Variants in GALNT9 observed in about 807,000 individuals in gnomAD.
GALNT9 encodes the protein polypeptide N-acetylgalactosaminyltransferase 9, also known as GalNAc transferase 9.
GALNT9 carries 47 observed loss-of-function variants against 63.1 expected under a neutral mutation model. The ratio of observed to expected loss-of-function variants is 0.75; its 90% CI spans 0.59 to 0.95. The LOEUF (loss-of-function observed/expected upper bound fraction) is 0.95, where lower values mean the gene tolerates loss of function less well. Among genes scored for constraint, GALNT9 ranks in the 40% least tolerant of loss-of-function variants. The probability of loss-of-function intolerance (pLI) is 0.00; values close to 1 mark genes in which losing one functional copy is unlikely to be tolerated. For missense variants in GALNT9, 829 were observed against 874.8 expected (o/e 0.95, Z 0.66); for synonymous variants, 396 against 365.7 (o/e 1.08, Z -0.94).
chr12:132,245,604 T>G lies in GALNT9; in HGVS notation c.1077+2306A>C, dbSNP rs1878679022. The stretch of plus-strand genomic sequence containing the variant: ...CGGCACCCACACCCCCAGCCCAGCC[T>G]GCTGACCCTCGCCCAGCCAGGGCCC... On this transcript the variant is annotated intron_variant, in intron 6 of 10. Transcript: ENST00000328957. This position sits in a 1 kb window ranked among gnomAD's most constrained non-coding sequence, Gnocchi z 6.3. 6.7e-6 allele frequency among the ~76,000 whole-genome samples: 1 copy of G among 150,264 alleles called. No homozygotes were observed. Among genetic ancestry groups the G allele is most frequent in the Non-Finnish European group, 1.5e-5 (1 of 67,608 alleles).
intron 6 of GALNT9, among the ~76,000 whole-genome samples, chr12:132,217,148 C>T (rs1241107932): frequency 6.6e-6 from 1 of 152,112 alleles, no homozygotes; most frequent in African/African-American, 2.4e-5. Flanking sequence ...CTCACTTATT[C>T]ACCCACCTAG....
intron 2 of GALNT9, among the ~76,000 whole-genome samples, chr12:132,281,625 C>G (rs915088197): frequency 6.6e-6 from 1 of 152,210 alleles, no homozygotes; most frequent in Non-Finnish European, 1.5e-5. Flanking sequence ...ATCCCGATGT[C>G]GTTCTCTGTG....
chr12:132,201,101 G>A (rs767497820), intron 8 of GALNT9, 23 bp downstream of exon 8: 14 of 1,608,754 alleles, frequency 8.7e-6, no homozygotes, highest in South Asian at 2.2e-5. Flanking sequence ...CGGGCCGAAC[G>A]GGGCCCTCGG....
chr12:132,199,281 A>T lies in GALNT9; in HGVS notation c.1402-12T>A. The T allele has an allele frequency of 1.3e-6, 2 of 1,587,316 alleles. No individual in the cohort carries two copies. The highest frequency in any genetic ancestry group is 1.7e-6 in the Non-Finnish European group (2 of 1,165,266). ...TTGCTGTTTCTCACCTGCAAGCAGAAGCCCCAGGAGAAAGTCCAGAGTCAC... is the reference window on the plus strand; with the variant it reads ...TTGCTGTTTCTCACCTGCAAGCAGATGCCCCAGGAGAAAGTCCAGAGTCAC... On this transcript the variant is annotated splice_polypyrimidine_tract_variant and intron_variant, in intron 8 of 10. Coordinates refer to ENST00000328957, the MANE Select transcript of GALNT9 (RefSeq NM_001122636.2).
At chr12:132,260,108 C>T (rs1879319962) in intron 4 of GALNT9, among the ~76,000 whole-genome samples, 1 of 151,854 alleles carries the variant, frequency 6.6e-6, no homozygotes, top group Non-Finnish European at 1.5e-5. Context: ...TTGGGGTTTG[C>T]CTGGGGGCAT....
At chr12:132,318,726 C>T (rs1868642729) in intron 1 of GALNT9, among the ~76,000 whole-genome samples, 1 of 152,232 alleles carries the variant, frequency 6.6e-6, no homozygotes, top group African/African-American at 2.4e-5. Context: ...GCCGCCTGCC[C>T]TCCTCTCGTC....
At chr12:132,197,755 G>GC in intron 10 of GALNT9, 37 bp downstream of exon 10, 101 of 613,084 alleles carry the variant, frequency 1.6e-4, no homozygotes, top group Non-Finnish European at 2.4e-4. Flanking sequence ...GCCCTGCCCC[G>GC]CCCCAACCCC....
intron 6 of GALNT9, chr12:132,205,826 C>T (rs1033360030): frequency 3.9e-5 from 6 of 152,170 alleles, no homozygotes; most frequent in Admixed American, 1.3e-4. Flanking sequence ...GAAGGGGCCC[C>T]GCTGGTGAAT....
Position 132,246,862 on chromosome 12 carries a change from T to C in GALNT9, c.1077+1048A>G, listed in dbSNP as rs112024308. On this transcript the variant is annotated intron_variant, in intron 6 of 10. Coordinates refer to ENST00000328957, the MANE Select transcript of GALNT9 (RefSeq NM_001122636.2). The surrounding 1 kb of genome is among the most constrained non-coding windows in gnomAD (Gnocchi z 4.7). Reference sequence around the variant, plus strand: ...TATTATTTAATCTGCCCAACCTGAGTTAAACAATCGCGGCCACGGGGAAGG... The same window carrying C: ...TATTATTTAATCTGCCCAACCTGAGCTAAACAATCGCGGCCACGGGGAAGG... Among the ~76,000 whole-genome samples, 397 of 152,274 alleles carry C rather than the reference T, an allele frequency of 2.6e-3. 3 individuals are homozygous for C. Among genetic ancestry groups the C allele is most frequent in the Middle Eastern group, 0.017 (5 of 294 alleles).
chr12:132,261,208 G>T (rs1157623968), intron 3 of GALNT9, 86 bp from the exon 4 acceptor site: 1 of 1,527,080 alleles, frequency 6.5e-7, no homozygotes, highest in African/African-American at 1.4e-5. Context: ...GCTGCGTGCC[G>T]CGTGTGGGAT....
intron 6 of GALNT9, among the ~76,000 whole-genome samples, chr12:132,231,154 G>GC (rs1877881060): frequency 1.3e-5 from 1 of 75,604 alleles, no homozygotes; most frequent in Non-Finnish European, 2.4e-5. Context: ...ACAGCGTGGA[G>GC]CCCCTAGTGC....
intron 1 of GALNT9, among the ~76,000 whole-genome samples, chr12:132,328,232 C>A (rs544479528): frequency 6.6e-6 from 1 of 152,160 alleles, no homozygotes; most frequent in East Asian, 1.9e-4. Context: ...TCGGGCTGAC[C>A]TACGTCCGCT....
chr12:132,268,064 C>T (rs964820333), intron 2 of GALNT9, among the ~76,000 whole-genome samples: 3 of 150,870 alleles, frequency 2.0e-5, no homozygotes, highest in Non-Finnish European at 3.0e-5. Flanking sequence ...TGTGGTCACA[C>T]GCACTCACGC....
chr12:132,235,111 T>G (rs1272240581), intron 6 of GALNT9, among the ~76,000 whole-genome samples: 1 of 59,848 alleles, frequency 1.7e-5, no homozygotes, highest in Non-Finnish European at 3.0e-5. Context: ...CTCGATGGCG[T>G]GAGAGAGGAG....
chr12:132,262,235 A>G (rs1485913038), intron 3 of GALNT9, among the ~76,000 whole-genome samples: 1 of 152,164 alleles, frequency 6.6e-6, no homozygotes, highest in Non-Finnish European at 1.5e-5. Context: ...AGGCCGCATA[A>G]TGGAGGCAGA....
chr12:132,313,111 A>C (rs1593121449), intron 1 of GALNT9, among the ~76,000 whole-genome samples: 1 of 137,672 alleles, frequency 7.3e-6, no homozygotes. Context: ...CCATCCATCC[A>C]CCCATCCACC....
chr12:132,309,926 G>A lies in GALNT9; in HGVS notation c.238+19040C>T, dbSNP rs191321430. On this transcript the variant is annotated intron_variant, in intron 1 of 10. Transcript: ENST00000328957. ...GAACGACAGTTTGCTTGATGGCAGC[G>A]GGCGCAGGTGAAACCCCGGCCTCCC... is the stretch of plus-strand genomic sequence containing the variant. Among the ~76,000 whole-genome samples, 1,445 of 152,362 alleles carry A rather than the reference G, an allele frequency of 9.5e-3. 9 individuals carry two copies. The highest frequency in any genetic ancestry group is 0.013 in the Non-Finnish European group (892 of 68,026).
intron 9 of GALNT9, among the ~76,000 whole-genome samples, chr12:132,198,399 C>T (rs555289842): frequency 3.2e-4 from 48 of 148,900 alleles, no homozygotes; most frequent in African/African-American, 1.1e-3. Flanking sequence ...ACCTTCACTA[C>T]GGCCAGCCCC....
intron 1 of GALNT9, among the ~76,000 whole-genome samples, chr12:132,308,272 C>T (rs2135581603): frequency 6.6e-6 from 1 of 152,354 alleles, no homozygotes; most frequent in South Asian, 2.1e-4. Flanking sequence ...CTCTGGGCGT[C>T]TGGATGCCAG....
Sources: allele counts gnomAD v4.1 joint callset (sites outside exome capture counted in the v4.1 genomes callset), GRCh38; gene constraint gnomAD v4.1.1; non-coding constraint Gnocchi (gnomAD v3.1); transcripts MANE v1.5; gene names NCBI Gene and HGNC (gene_info 2026-07-23, HGNC 2026-07-21).